The following DENND6A variants were observed in gnomAD, a reference collection of about 807,000 sequenced individuals.
DENND6A encodes the protein protein DENND6A.
DENND6A carries 43 observed loss-of-function variants against 95.5 expected under a neutral mutation model. The observed-to-expected ratio is 0.45, with a 90% CI of 0.35 to 0.58. The LOEUF is 0.58. Among genes scored for constraint, DENND6A ranks in the 20% least tolerant of loss-of-function variants. DENND6A has a pLI of 0.00. For missense variants in DENND6A, 574 were observed against 736.0 expected (o/e 0.78, Z 2.55); for synonymous variants, 257 against 260.4 (o/e 0.99, Z 0.13).
At position 57,676,076 on chromosome 3, in the gene DENND6A, C is replaced by CA. The variant is rs907548707; in HGVS notation, c.238-3639dup. On this transcript the variant is annotated intron_variant, in intron 1 of 19. Coordinates refer to ENST00000311128, the MANE Select transcript of DENND6A (RefSeq NM_152678.3). ...TGACAGGGTGAGACCCTCTCTCTCT[C>CA]AAAAAAAAAAGTCCTTCTTGGCCAG... Among the ~76,000 whole-genome samples, 89 of 147,006 alleles carry CA rather than the reference C, an allele frequency of 6.1e-4. No homozygotes were observed. The East Asian group carries it at 8.9e-3, about 15-fold the overall frequency.
chr3:57,663,103 A>C (rs931815637), intron 5 of DENND6A, among the ~76,000 whole-genome samples: 1 of 145,994 alleles, frequency 6.8e-6, no homozygotes, highest in Non-Finnish European at 1.5e-5. Flanking sequence ...GTGAGCCGAG[A>C]TCACACCACT....
chr3:57,665,162 T>C (rs1286485152), intron 4 of DENND6A, among the ~76,000 whole-genome samples: 2 of 152,196 alleles, frequency 1.3e-5, no homozygotes, highest in African/African-American at 4.8e-5. Flanking sequence ...GAAGTTCTTA[T>C]TTTGGAAGGT....
chr3:57,641,878 A>C (rs527638919), intron 11 of DENND6A, 131 bp from the exon 12 acceptor site: 2 of 621,072 alleles, frequency 3.2e-6, no homozygotes, highest in Non-Finnish European at 5.3e-6. Context: ...AACACATTAC[A>C]TATCAACTAC....
chr3:57,663,722 A>G lies in DENND6A; in HGVS notation c.433-6T>C. The G allele has an allele frequency of 6.4e-7, 1 of 1,558,744 alleles. No individual in the cohort carries two copies. Among genetic ancestry groups the G allele is most frequent in the South Asian group, 1.2e-5 (1 of 82,446 alleles). ...TAAAAATAAGCAGGATCCTTCTAAG[A>G]AGAAAGTGACAAGTAAGTGTGTGTG... is the stretch of plus-strand genomic sequence containing the variant. On this transcript the variant is annotated splice_polypyrimidine_tract_variant and splice_region_variant and intron_variant, in intron 4 of 19. Transcript: ENST00000311128.
intron 1 of DENND6A, among the ~76,000 whole-genome samples, chr3:57,680,770 TA>T (rs1363320077): frequency 7.6e-6 from 1 of 131,226 alleles, no homozygotes; most frequent in Non-Finnish European, 1.6e-5. Context: ...CTCCAAAAAA[TA>T]AAAATGAAAA....
At chr3:57,643,598 C>T (rs528117599) in intron 11 of DENND6A, among the ~76,000 whole-genome samples, 344 of 151,686 alleles carry the variant, frequency 2.3e-3, no homozygotes, top group African/African-American at 7.8e-3. Flanking sequence ...GAGGCTGAGG[C>T]GGGTGGATCA....
intron 12 of DENND6A, among the ~76,000 whole-genome samples, chr3:57,637,681 C>A (rs2070824990): frequency 6.7e-6 from 1 of 149,748 alleles, no homozygotes; most frequent in African/African-American, 2.5e-5. Context: ...AAGATATAAA[C>A]CACTCATAAA....
intron 3 of DENND6A, among the ~76,000 whole-genome samples, chr3:57,670,400 G>C (rs895677337): frequency 6.6e-6 from 1 of 152,194 alleles, no homozygotes; most frequent in Non-Finnish European, 1.5e-5. Flanking sequence ...TGGACTTCTA[G>C]GGGTGGTAAT....
intron 11 of DENND6A, among the ~76,000 whole-genome samples, chr3:57,644,149 CAA>C (rs1177987681): frequency 5.5e-5 from 4 of 73,326 alleles, no homozygotes; most frequent in African/African-American, 5.2e-5. Flanking sequence ...GACTCCATCT[CAA>C]AAAAAAAAAA....
chr3:57,669,195 A>AT (rs1380542330), intron 3 of DENND6A, among the ~76,000 whole-genome samples: 2 of 152,112 alleles, frequency 1.3e-5, no homozygotes, highest in African/African-American at 4.8e-5. Context: ...TAATAAACAC[A>AT]TAAAAAAACC....
At chr3:57,652,490 C>A (rs906821617) in intron 9 of DENND6A, among the ~76,000 whole-genome samples, 1 of 152,158 alleles carries the variant, frequency 6.6e-6, no homozygotes. Flanking sequence ...CCAGAACTAC[C>A]CACCTAAGCA....
chr3:57,646,962 A>C (rs1323282322), intron 9 of DENND6A, among the ~76,000 whole-genome samples: 1 of 152,166 alleles, frequency 6.6e-6, no homozygotes. Flanking sequence ...AGTGCTGAGT[A>C]TTTTTACAGC....
intron 1 of DENND6A, among the ~76,000 whole-genome samples, chr3:57,675,417 T>C (rs2071692632): frequency 6.6e-6 from 1 of 152,190 alleles, no homozygotes; most frequent in African/African-American, 2.4e-5. Flanking sequence ...ATTTTTCAAC[T>C]GACTCCAACA....
At chr3:57,645,152 T>C (rs1023438141) in intron 11 of DENND6A, among the ~76,000 whole-genome samples, 4 of 152,116 alleles carry the variant, frequency 2.6e-5, no homozygotes, top group African/African-American at 4.8e-5. Context: ...AATGACAATA[T>C]AGCTTCCATT....
In DENND6A at chr3:57,660,745, G is replaced by A. The variant is rs369919209; in HGVS notation, c.699+15C>T. ...ATAAAAATAAAAAGGAGACAATTGA[G>A]ATATAAGATATTACCTTCATTACCA... On this transcript the variant is annotated intron_variant, in intron 7 of 19. Transcript: ENST00000311128. 4.5e-5 allele frequency: 71 copies of A among 1,586,048 alleles called. No individual in the cohort carries two copies. The highest frequency in any genetic ancestry group is 5.5e-5 in the Non-Finnish European group (64 of 1,167,568).
chr3:57,677,465 T>G (rs991419372), intron 1 of DENND6A, among the ~76,000 whole-genome samples: 4 of 130,912 alleles, frequency 3.1e-5, no homozygotes, highest in Admixed American at 9.1e-5. Flanking sequence ...CTCCAGAGTC[T>G]CATTCTGTCA....
intron 12 of DENND6A, among the ~76,000 whole-genome samples, chr3:57,641,248 A>G (rs929903942): frequency 7.0e-6 from 1 of 143,698 alleles, no homozygotes; most frequent in African/African-American, 2.5e-5. Context: ...AATATATATT[A>G]TATATTTATA....
intron 1 of DENND6A, among the ~76,000 whole-genome samples, chr3:57,682,677 T>C (rs545088365): frequency 6.6e-6 from 1 of 152,012 alleles, no homozygotes; most frequent in Non-Finnish European, 1.5e-5. Flanking sequence ...TGGTTTTTTT[T>C]GTTTTGTTTT....
Position 57,641,677 on chromosome 3 carries a change from GAAT to G in DENND6A, c.1105_1107del (p.Ile369del). The G allele has an allele frequency of 6.2e-7, 1 of 1,612,214 alleles. No homozygotes were observed. The highest frequency in any genetic ancestry group is 1.1e-5 in the South Asian group (1 of 90,884). On this transcript the variant is annotated inframe_deletion, in exon 12 of 20. Coordinates refer to ENST00000311128, the MANE Select transcript of DENND6A (RefSeq NM_152678.3). ...CCTGTAGGTTTAAGGTCTCCTATTC[GAAT>G]AATGTGTGGCCAGTGCTGGAGTGTC... is the stretch of plus-strand genomic sequence containing the variant.
Sources: gnomAD v4.1 joint callset for allele counts (sites outside exome capture counted in the v4.1 genomes callset) on GRCh38, gnomAD v4.1.1 for gene constraint, MANE v1.5 for transcripts, NCBI Gene and HGNC (gene_info 2026-07-23, HGNC 2026-07-21) for gene names.